COL13A1: variants seen among roughly 807,000 people sequenced by gnomAD.
The protein encoded by COL13A1 is collagen type XIII alpha 1 chain, also known as collagen alpha-1(XIII) chain.
Under a neutral mutation model 130.9 loss-of-function variants are expected in COL13A1, and 89 were observed. The ratio of observed to expected loss-of-function variants is 0.68; its 90% confidence interval spans 0.57 to 0.81. The LOEUF is 0.81. Among genes scored for constraint, COL13A1 ranks in the 30% least tolerant of loss-of-function variants. The pLI, the probability that COL13A1 is intolerant of heterozygous loss-of-function variation, is 0.00. For synonymous variants in COL13A1, 402 were observed against 341.6 expected (o/e 1.18, Z -1.95); for missense variants, 879 against 934.6 (o/e 0.94, Z 0.78).
intron 10 of COL13A1, among the ~76,000 whole-genome samples, chr10:69,891,646 C>T (rs997397930): frequency 6.6e-6 from 1 of 152,216 alleles, no homozygotes; most frequent in Non-Finnish European, 1.5e-5. Flanking sequence ...AACTGCCATG[C>T]CACATTGTTA....
At chr10:69,836,263 G>A (rs559115705) in intron 2 of COL13A1, among the ~76,000 whole-genome samples, 1 of 152,338 alleles carries the variant, frequency 6.6e-6, no homozygotes, top group South Asian at 2.1e-4. Flanking sequence ...GCTAGGCGGT[G>A]CCCAGTGTGG....
chr10:69,809,767 G>T (rs1842472152), intron 1 of COL13A1, among the ~76,000 whole-genome samples: 1 of 152,258 alleles, frequency 6.6e-6, no homozygotes, highest in Admixed American at 6.5e-5. Flanking sequence ...CATCTTTGTT[G>T]TAAGAAAGAC....
At chr10:69,954,427 T>C (rs2070235238) in intron 39 of COL13A1, among the ~76,000 whole-genome samples, 1 of 152,224 alleles carries the variant, frequency 6.6e-6, no homozygotes, top group South Asian at 2.1e-4. Context: ...TTCAGAACCA[T>C]GACTCACTTC....
intron 17 of COL13A1, among the ~76,000 whole-genome samples, chr10:69,913,270 C>G (rs1413605995): frequency 6.6e-6 from 1 of 152,196 alleles, no homozygotes; most frequent in African/African-American, 2.4e-5. Flanking sequence ...CACCCACTTC[C>G]CCAGCCCAAG....
At chr10:69,939,579 T>C (rs2067361466) in intron 34 of COL13A1, among the ~76,000 whole-genome samples, 1 of 152,254 alleles carries the variant, frequency 6.6e-6, no homozygotes, top group African/African-American at 2.4e-5. Context: ...AGTAGCAGCC[T>C]GCTTCTCCAG....
chr10:69,814,178 G>T (rs12769079), intron 1 of COL13A1, among the ~76,000 whole-genome samples: 23,711 of 152,130 alleles, frequency 0.16, 1,919 homozygotes, highest in Admixed American at 0.25. Context: ...CTGGCACAGG[G>T]GCCGGAGCTT....
At chr10:69,841,477 G>A (rs1851588662) in intron 2 of COL13A1, among the ~76,000 whole-genome samples, 1 of 152,206 alleles carries the variant, frequency 6.6e-6, no homozygotes, top group African/African-American at 2.4e-5. Flanking sequence ...CAGGCTCAGA[G>A]AATGGAATTG....
rs150800471 is a variant in COL13A1 at position 69,938,907 on chromosome 10, C to T, written c.1878+1192C>T. ...TATTAAAGAGCCTTCCTGCCCCACT[C>T]AACCACAAACCTCTTCTTATCCACA... On this transcript the variant is annotated intron_variant, in intron 34 of 40. Coordinates refer to ENST00000645393, the MANE Select transcript of COL13A1 (RefSeq NM_001368882.1). 3.9e-3 allele frequency among the ~76,000 whole-genome samples: 587 copies of T among 152,290 alleles called. 1 individual carries two copies. Among genetic ancestry groups the T allele is most frequent in the Middle Eastern group, 0.014 (4 of 294 alleles).
chr10:69,910,246 G>A (rs1433694536), intron 17 of COL13A1, among the ~76,000 whole-genome samples: 3 of 152,046 alleles, frequency 2.0e-5, no homozygotes, highest in African/African-American at 4.8e-5. Flanking sequence ...TGGTCTCAGG[G>A]GCTGGGAAGA....
chr10:69,898,729 T>C lies in COL13A1; in HGVS notation c.717T>C (p.Ala239=). ...LLPLLNSVRL[A]PPPVIKRRTF... is the part of the protein sequence containing the mutation. Reference sequence around the variant, plus strand: ...CTCTCCTCAATTCAGTGCGACTGGCTCCACCCCCGGTCATAAAAAGGCGGA... The same window carrying C: ...CTCTCCTCAATTCAGTGCGACTGGCCCCACCCCCGGTCATAAAAAGGCGGA... Residue 239 remains alanine, a synonymous_variant, in exon 14 of 41, where the codon GCT becomes GCC. Transcript: ENST00000645393. 1 of 1,613,534 alleles carries C rather than the reference T, an allele frequency of 6.2e-7. No individual in the cohort carries two copies. Among genetic ancestry groups the C allele is most frequent in the Non-Finnish European group, 8.5e-7 (1 of 1,179,660 alleles).
intron 2 of COL13A1, among the ~76,000 whole-genome samples, chr10:69,848,547 A>C (rs1853780513): frequency 6.6e-6 from 1 of 152,018 alleles, no homozygotes; most frequent in Admixed American, 6.5e-5. Context: ...CCCTGAGAAA[A>C]CCTTCGATAC....
rs10999040 is a variant in COL13A1, at chr10:69,946,890, C to T, written c.2023-417C>T. Among the ~76,000 whole-genome samples, 524 of 152,238 alleles carry T rather than the reference C, an allele frequency of 3.4e-3. 9 individuals carry two copies. In the East Asian group the frequency reaches 0.059, roughly 17 times the overall value. On this transcript the variant is annotated intron_variant, in intron 37 of 40. Coordinates refer to ENST00000645393, the MANE Select transcript of COL13A1 (RefSeq NM_001368882.1). ...GCAACCTCAGCCTCCCAGGTTCAAGCGATTCTCCTGCCTCAGCCTCCAGCG... is the reference window on the plus strand; with the variant it reads ...GCAACCTCAGCCTCCCAGGTTCAAGTGATTCTCCTGCCTCAGCCTCCAGCG...
At position 69,947,407 on chromosome 10, in the gene COL13A1, G is replaced by A. The variant is rs371568285; in HGVS notation, c.2058+65G>A. ...GTCTTCATGATGGGGTGGAATGATC[G>A]ATCGGTGATTCCTGACCAACATGGC... is the stretch of plus-strand genomic sequence containing the variant. On this transcript the variant is annotated intron_variant, in intron 38 of 40. Transcript: ENST00000645393. The A allele has an allele frequency of 5.2e-5, 75 of 1,439,218 alleles. No individual in the cohort carries two copies. The East Asian group carries it at 1.6e-3, about 30-fold the overall frequency. The allele number at this position is 1,439,218 out of a possible 1,614,324, so 89.2% of individuals were successfully genotyped here.
intron 2 of COL13A1, among the ~76,000 whole-genome samples, chr10:69,849,829 T>C (rs1158153957): frequency 6.6e-6 from 1 of 152,178 alleles, no homozygotes; most frequent in Non-Finnish European, 1.5e-5. Context: ...CCTGCCCAGG[T>C]GATTCCAGCT....
intron 2 of COL13A1, among the ~76,000 whole-genome samples, chr10:69,842,630 A>T (rs1425802831): frequency 6.6e-6 from 1 of 152,176 alleles, no homozygotes; most frequent in Non-Finnish European, 1.5e-5. Context: ...TTTCCTGGGC[A>T]TTTGGTACAA....
At chr10:69,916,143 G>A (rs2063892041) in intron 17 of COL13A1, among the ~76,000 whole-genome samples, 1 of 152,218 alleles carries the variant, frequency 6.6e-6, no homozygotes, top group Non-Finnish European at 1.5e-5. Context: ...AAGATGGCAG[G>A]AAAGGGAGAG....
chr10:69,813,943 C>A (rs1386185422), intron 1 of COL13A1, among the ~76,000 whole-genome samples: 2 of 152,230 alleles, frequency 1.3e-5, no homozygotes, highest in Non-Finnish European at 2.9e-5. Flanking sequence ...CAAAGCCCAC[C>A]TCCTCCTGGG....
chr10:69,856,733 T>C (rs1270139726), intron 2 of COL13A1, among the ~76,000 whole-genome samples: 5 of 152,094 alleles, frequency 3.3e-5, no homozygotes, highest in Non-Finnish European at 5.9e-5. Context: ...GCACAACAGA[T>C]GATTTCCTGG....
At chr10:69,884,544 G>A (rs547321995) in intron 7 of COL13A1, among the ~76,000 whole-genome samples, 2 of 152,164 alleles carry the variant, frequency 1.3e-5, no homozygotes, top group Non-Finnish European at 2.9e-5. Flanking sequence ...AGAAAGACAG[G>A]GAGGAGTAGA....
Sources: allele counts gnomAD v4.1 joint callset (sites outside exome capture counted in the v4.1 genomes callset), GRCh38; gene constraint gnomAD v4.1.1; transcripts MANE v1.5; gene names NCBI Gene and HGNC (gene_info 2026-07-23, HGNC 2026-07-21).